Variants in EXD3 observed in about 807,000 individuals in gnomAD.
EXD3 encodes exonuclease 3'-5' domain containing 3.
Under a neutral mutation model 98.0 loss-of-function variants are expected in EXD3, and 92 were observed. The ratio of observed to expected loss-of-function variants is 0.94; its 90% confidence interval spans 0.79 to 1.12. EXD3 has a LOEUF of 1.12. Among genes scored for constraint, EXD3 ranks in the 50% most tolerant of loss-of-function variants. EXD3 has a pLI of 0.00. For synonymous variants in EXD3, 569 were observed against 526.0 expected (o/e 1.08, Z -1.12); for missense variants, 1,222 against 1,191.6 (o/e 1.03, Z -0.38).
intron 17 of EXD3, among the ~76,000 whole-genome samples, chr9:137,325,193 G>A (rs1314025354): frequency 1.3e-5 from 2 of 152,138 alleles, no homozygotes; most frequent in African/African-American, 2.4e-5. Flanking sequence ...ACACTAAAAG[G>A]AGCCCGAGCT....
intron 9 of EXD3, 141 bp from the exon 10 acceptor site, chr9:137,354,518 G>C: frequency 3.9e-6 from 6 of 1,540,950 alleles, no homozygotes; most frequent in South Asian, 1.2e-5. Context: ...CCACAGCCCA[G>C]AGCCAGGGCC....
At position 137,324,365 on chromosome 9, in the gene EXD3, A is replaced by C. The variant is rs995093571; in HGVS notation, c.1999-222T>G. ...GATTTAATCTTGGCACCACGCAAAC[A>C]TTTTTTTTTCATAATTAGAAACAAA... is the stretch of plus-strand genomic sequence containing the variant. On this transcript the variant is annotated intron_variant, in intron 17 of 21. Coordinates refer to ENST00000340951, the MANE Select transcript of EXD3 (RefSeq NM_017820.5). The surrounding 1 kb of genome is among the most constrained non-coding windows in gnomAD (Gnocchi z 4.1). Among the ~76,000 whole-genome samples the C allele has an allele frequency of 2.0e-5, 3 of 150,612 alleles. No individual in the cohort carries two copies. Among genetic ancestry groups the C allele is most frequent in the African/African-American group, 7.3e-5 (3 of 40,890 alleles).
chr9:137,311,088 T>C (rs1032104000), intron 19 of EXD3, among the ~76,000 whole-genome samples: 17 of 152,182 alleles, frequency 1.1e-4, no homozygotes, highest in African/African-American at 4.1e-4. Context: ...CCTCCAGCAT[T>C]GCAGCCCCCA....
Position 137,389,039 on chromosome 9 carries a change from C to T in EXD3, c.56-5662G>A, listed in dbSNP as rs114713389. The stretch of plus-strand genomic sequence containing the variant: ...CCTGAGAGGCCACGCCCACCCACCA[C>T]GCACTGGGGCCTCCGTCCCTCTGCC... On this transcript the variant is annotated intron_variant, in intron 2 of 21. Coordinates refer to ENST00000340951, the MANE Select transcript of EXD3 (RefSeq NM_017820.5). Among the ~76,000 whole-genome samples the T allele has an allele frequency of 4.8e-3, 735 of 152,306 alleles. 11 individuals carry two copies. The highest frequency in any genetic ancestry group is 0.017 in the African/African-American group (701 of 41,568).
Position 137,405,005 on chromosome 9 carries a change from C to T in EXD3, c.-47-9601G>A, listed in dbSNP as rs1837648279. 6.6e-6 allele frequency among the ~76,000 whole-genome samples: 1 copy of T among 152,304 alleles called. No homozygotes were observed. Among genetic ancestry groups the T allele is most frequent in the African/African-American group, 2.4e-5 (1 of 41,570 alleles). ...GCCCTCCCAGGTGCTCGAGGGGACA[C>T]AGTGCTATCCCCCAGGCGAGCCGGG... On this transcript the variant is annotated intron_variant, in intron 1 of 21. Transcript: ENST00000340951. This position sits in a 1 kb window ranked among gnomAD's most constrained non-coding sequence, Gnocchi z 4.1.
intron 2 of EXD3, among the ~76,000 whole-genome samples, chr9:137,394,883 G>A (rs1412052111): frequency 6.6e-6 from 1 of 152,142 alleles, no homozygotes. Context: ...CGAGACCCAA[G>A]AGGCTGTGGG....
In EXD3 at chr9:137,373,677, G is replaced by C. The variant is rs1393284725; in HGVS notation, c.121-78C>G. ...GGCAAGGCCTCCCCACCGCAGAGAGGTTTTTTAAAATTTAATCCATTCAGA... is the reference window on the plus strand; with the variant it reads ...GGCAAGGCCTCCCCACCGCAGAGAGCTTTTTTAAAATTTAATCCATTCAGA... On this transcript the variant is annotated intron_variant, in intron 3 of 21. Transcript: ENST00000340951. 3 of 1,423,928 alleles carry C rather than the reference G, an allele frequency of 2.1e-6. No homozygotes were observed. The Admixed American group carries it at 8.3e-5, about 39-fold the overall frequency. 88.2% of individuals were successfully genotyped at this position (1,423,928 alleles called of 1,614,324 possible).
chr9:137,389,027 G>A (rs575220404), intron 2 of EXD3, among the ~76,000 whole-genome samples: 3 of 152,246 alleles, frequency 2.0e-5, no homozygotes, highest in East Asian at 1.9e-4. Context: ...GAGAGGCCAC[G>A]CCCACCCACC....
At chr9:137,391,653 C>T (rs2131750041) in intron 2 of EXD3, 1 of 152,056 alleles carries the variant, frequency 6.6e-6, no homozygotes, top group South Asian at 2.1e-4. Context: ...CCCCGCCCCG[C>T]CTCGCCGACC....
chr9:137,351,033 C>T lies in EXD3; in HGVS notation c.1494+5G>A. 1 of 1,554,360 alleles carries T rather than the reference C, an allele frequency of 6.4e-7. No individual in the cohort carries two copies. The highest frequency in any genetic ancestry group is 8.7e-7 in the Non-Finnish European group (1 of 1,149,408). Reference sequence around the variant, plus strand: ...CATCTTGTGAGCGGCTCAGTGGGTGCCCACCTGTCTGTGCACCAGCAGCAG... The same window carrying T: ...CATCTTGTGAGCGGCTCAGTGGGTGTCCACCTGTCTGTGCACCAGCAGCAG... On this transcript the variant is annotated splice_donor_5th_base_variant and intron_variant, in intron 14 of 21. Transcript: ENST00000340951.
At position 137,395,154 on chromosome 9, in the gene EXD3, C is replaced by T. The variant is rs897467564; in HGVS notation, c.55+149G>A. 1.8e-5 allele frequency: 13 copies of T among 716,820 alleles called. No individual in the cohort carries two copies. The highest frequency in any genetic ancestry group is 3.3e-5 in the South Asian group (2 of 61,056). The allele number at this position is 716,820 out of a possible 1,614,324, so 44.4% of individuals were successfully genotyped here. On this transcript the variant is annotated intron_variant, in intron 2 of 21. Transcript: ENST00000340951. This position sits in a 1 kb window ranked among gnomAD's most constrained non-coding sequence, Gnocchi z 6.5. ...CCTCCGGACTCACAAGGTCCCAAGC[C>T]GTGGACACTGTAGAGAGGCCCGCAG...
At chr9:137,411,277 C>T (rs1044032969) in intron 1 of EXD3, among the ~76,000 whole-genome samples, 4 of 152,190 alleles carry the variant, frequency 2.6e-5, no homozygotes, top group Non-Finnish European at 4.4e-5. Flanking sequence ...CCCAGGATGC[C>T]CCCTTCCCAG....
At position 137,355,485 on chromosome 9, in the gene EXD3, A is replaced by AG. The variant is rs1261821683; in HGVS notation, c.758-713dup. 2.1e-3 allele frequency among the ~76,000 whole-genome samples: 130 copies of AG among 62,080 alleles called. 1 individual carries two copies. Among genetic ancestry groups the AG allele is most frequent in the African/African-American group, 7.1e-3 (84 of 11,856 alleles). 40.7% of individuals were successfully genotyped at this position (62,080 alleles called of 152,430 possible). ...AGAAAGGAGGAAGGAGGAAGGAGGA[A>AG]GGAGGATGGAGGAAGGAGGAAGGAG... On this transcript the variant is annotated intron_variant, in intron 8 of 21. Transcript: ENST00000340951.
intron 10 of EXD3, chr9:137,353,740 A>G (rs1251544539): frequency 1.0e-6 from 1 of 985,484 alleles, no homozygotes; most frequent in African/African-American, 1.7e-5. Flanking sequence ...TGGGTCCAGG[A>G]TGGCCTTGAG....
intron 17 of EXD3, among the ~76,000 whole-genome samples, chr9:137,333,680 A>G (rs556663320): frequency 6.6e-6 from 1 of 152,290 alleles, no homozygotes; most frequent in Non-Finnish European, 1.5e-5. Context: ...ACCATGTGAC[A>G]TGCAAACTCT....
intron 7 of EXD3, among the ~76,000 whole-genome samples, chr9:137,364,794 A>C (rs1401896262): frequency 1.7e-5 from 2 of 120,536 alleles, no homozygotes; most frequent in South Asian, 2.8e-4. Context: ...TTTGAGACTG[A>C]GTCTCGCTCT....
chr9:137,318,608 C>T (rs1228409585), intron 19 of EXD3, among the ~76,000 whole-genome samples: 1 of 152,128 alleles, frequency 6.6e-6, no homozygotes, highest in Non-Finnish European at 1.5e-5. Flanking sequence ...GCACTGGGAA[C>T]GTTCCCCACC....
At chr9:137,381,439 A>AAAAAAAAACAC (rs1836266687) in intron 3 of EXD3, among the ~76,000 whole-genome samples, 1 of 147,832 alleles carries the variant, frequency 6.8e-6, no homozygotes, top group East Asian at 2.0e-4. Context: ...AAAAAAAAAA[A>AAAAAAAAACAC]GACAGGAACA....
chr9:137,355,359 C>T (rs962694000), intron 8 of EXD3, among the ~76,000 whole-genome samples: 1 of 151,506 alleles, frequency 6.6e-6, no homozygotes, highest in Admixed American at 6.6e-5. Flanking sequence ...AGGGCCCCAC[C>T]CCCCACGCCC....
Sources: gnomAD v4.1 joint callset for allele counts (sites outside exome capture counted in the v4.1 genomes callset) on GRCh38, gnomAD v4.1.1 for gene constraint, Gnocchi (gnomAD v3.1) non-coding constraint, MANE v1.5 for transcripts, NCBI Gene and HGNC (gene_info 2026-07-23, HGNC 2026-07-21) for gene names.